The following RAB5A variants were observed in gnomAD, a reference collection of about 807,000 sequenced individuals.
RAB5A encodes the protein ras-related protein Rab-5A.
RAB5A carries 8 observed loss-of-function variants against 25.7 expected under a neutral mutation model. The ratio of observed to expected loss-of-function variants is 0.31; its 90% CI spans 0.18 to 0.56. The LOEUF (loss-of-function observed/expected upper bound fraction) is 0.56, where lower values mean the gene tolerates loss of function less well. Among genes scored for constraint, RAB5A ranks in the 20% least tolerant of loss-of-function variants. RAB5A has a pLI of 0.91. For synonymous variants in RAB5A, 98 were observed against 89.8 expected (o/e 1.09, Z -0.52); for missense variants, 192 against 259.7 (o/e 0.74, Z 1.79).
chr3:19,978,550 T>G, intron 5 of RAB5A, 147 bp downstream of exon 5: 3 of 571,872 alleles, frequency 5.2e-6, no homozygotes, highest in Non-Finnish European at 9.5e-6. Context: ...AGAGAGATTA[T>G]ACCACTTTTC....
At chr3:19,956,897 C>A (rs965044723) in intron 2 of RAB5A, among the ~76,000 whole-genome samples, 5 of 149,558 alleles carry the variant, frequency 3.3e-5, no homozygotes, top group Admixed American at 2.0e-4. Context: ...TAGTGCATAG[C>A]GTTTGATTTA....
intron 2 of RAB5A, among the ~76,000 whole-genome samples, chr3:19,951,703 T>TTG (rs1553638061): frequency 2.6e-5 from 2 of 76,040 alleles, no homozygotes; most frequent in East Asian, 4.0e-4. Context: ...CCAGGCAAGT[T>TTG]TTTTTTTTTT....
At chr3:19,982,538 A>C (rs1470755403) in intron 5 of RAB5A, among the ~76,000 whole-genome samples, 1 of 152,128 alleles carries the variant, frequency 6.6e-6, no homozygotes, top group Admixed American at 6.5e-5. Context: ...TTACTCTGCA[A>C]GGTGTAAGTT....
In RAB5A at chr3:19,975,750, G is replaced by T; in HGVS notation, c.313G>T (p.Glu105Ter). 6.2e-7 allele frequency: 1 copy of T among 1,610,456 alleles called. No individual in the cohort carries two copies. Among genetic ancestry groups the T allele is most frequent in the South Asian group, 1.1e-5 (1 of 90,122 alleles). ...CATAGTTGTATATGATATCACAAAT[G>T]AGGTAAGTATGGATGCATTCCACAG... ...AAIVVYDITN[E>*]ESFARAKNWV... is the part of the protein sequence containing the mutation. The change falls in exon 3 of 6, where the codon GAG becomes TAG. Residue 105 changes from glutamate (E) to a stop codon, truncating the protein, a stop_gained and splice_region_variant. Coordinates refer to ENST00000273047, the MANE Select transcript of RAB5A (RefSeq NM_004162.5). LOFTEE classifies it high-confidence loss of function.
intron 4 of RAB5A, among the ~76,000 whole-genome samples, chr3:19,977,481 T>C (rs1447408696): frequency 6.6e-6 from 1 of 152,248 alleles, no homozygotes; most frequent in Non-Finnish European, 1.5e-5. Flanking sequence ...GTTTTCTTTT[T>C]TGATGACGTA....
chr3:19,950,821 G>T lies in RAB5A; in HGVS notation c.-78G>T. The T allele has an allele frequency of 7.0e-7, 1 of 1,425,142 alleles. No homozygotes were observed. The highest frequency in any genetic ancestry group is 9.5e-7 in the Non-Finnish European group (1 of 1,057,468). The allele number at this position is 1,425,142 out of a possible 1,614,324, so 88.3% of individuals were successfully genotyped here. On this transcript the variant is annotated 5_prime_UTR_variant, in exon 2 of 6. Transcript: ENST00000273047. Reference sequence around the variant, plus strand: ...TTCTTTACAGGTTTCTTTACCTCCAGAAAGAAGAATATTGGCCCCTTGAAT... The same window carrying T: ...TTCTTTACAGGTTTCTTTACCTCCATAAAGAAGAATATTGGCCCCTTGAAT...
At chr3:19,966,061 G>A (rs1177810998) in intron 2 of RAB5A, among the ~76,000 whole-genome samples, 2 of 152,090 alleles carry the variant, frequency 1.3e-5, no homozygotes, top group Non-Finnish European at 2.9e-5. Context: ...TAAAATATCC[G>A]TAACACAAAA....
chr3:19,963,305 G>GT (rs1696614248), intron 2 of RAB5A, among the ~76,000 whole-genome samples: 1 of 133,822 alleles, frequency 7.5e-6, no homozygotes, highest in South Asian at 2.5e-4. Flanking sequence ...GGCATTTAAT[G>GT]TTTGCTTTTT....
chr3:19,981,076 C>A (rs565929730), intron 5 of RAB5A, among the ~76,000 whole-genome samples: 1 of 152,150 alleles, frequency 6.6e-6, no homozygotes, highest in East Asian at 1.9e-4. Context: ...TGATAGAGAT[C>A]AGTGTGTGCA....
intron 5 of RAB5A, among the ~76,000 whole-genome samples, chr3:19,981,684 A>G (rs987991295): frequency 1.3e-5 from 2 of 152,230 alleles, no homozygotes. Flanking sequence ...CCCCATTGTA[A>G]GTCAAGGAGC....
chr3:19,973,835 C>T (rs1034929939), intron 2 of RAB5A, among the ~76,000 whole-genome samples: 2 of 152,080 alleles, frequency 1.3e-5, no homozygotes, highest in African/African-American at 4.8e-5. Flanking sequence ...TTGTGTCTAA[C>T]GTAAAAGAGA....
At chr3:19,967,404 C>T (rs142887267) in intron 2 of RAB5A, among the ~76,000 whole-genome samples, 90 of 152,278 alleles carry the variant, frequency 5.9e-4, no homozygotes, top group African/African-American at 2.1e-3. Flanking sequence ...TTCAGTCTCC[C>T]AAAGTGCTGG....
At chr3:19,953,720 A>G (rs1191534001) in intron 2 of RAB5A, among the ~76,000 whole-genome samples, 3 of 152,034 alleles carry the variant, frequency 2.0e-5, no homozygotes, top group Non-Finnish European at 4.4e-5. Context: ...ACTTTCTGTT[A>G]ATCTTTATTG....
chr3:19,953,280 A>G (rs1045445998), intron 2 of RAB5A, among the ~76,000 whole-genome samples: 6 of 152,174 alleles, frequency 3.9e-5, no homozygotes, highest in Non-Finnish European at 5.9e-5. Context: ...GTATCTCTAT[A>G]TAATCTCCAT....
intron 4 of RAB5A, 77 bp downstream of exon 4, chr3:19,976,246 T>A: frequency 6.8e-7 from 1 of 1,473,148 alleles, no homozygotes; most frequent in South Asian, 1.3e-5. Flanking sequence ...CTTGAATTAG[T>A]TATAATGTCA....
chr3:19,983,974 G>C lies in RAB5A; in HGVS notation c.*151G>C. On this transcript the variant is annotated 3_prime_UTR_variant, in exon 6 of 6. Transcript: ENST00000273047. Reference sequence around the variant, plus strand: ...AATACAGAATTATTTTAAGTGTTTTGAACTTAATTTTTAATAACATGCATG... The same window carrying C: ...AATACAGAATTATTTTAAGTGTTTTCAACTTAATTTTTAATAACATGCATG... 1 of 610,136 alleles carries C rather than the reference G, an allele frequency of 1.6e-6. No homozygotes were observed. Among genetic ancestry groups the C allele is most frequent in the South Asian group, 2.1e-5 (1 of 47,584 alleles). The allele number at this position is 610,136 out of a possible 1,614,324, so 37.8% of individuals were successfully genotyped here.
At chr3:19,951,307 A>G (rs992032819) in intron 2 of RAB5A, 8 of 372,170 alleles carry the variant, frequency 2.1e-5, no homozygotes, top group Non-Finnish European at 3.9e-5. Context: ...AAACATGAGT[A>G]GAATCAGTGT....
intron 2 of RAB5A, chr3:19,970,489 G>C (rs1696734144): frequency 4.4e-6 from 2 of 455,846 alleles, no homozygotes; most frequent in Admixed American, 4.7e-5. Flanking sequence ...CTATCAGACA[G>C]GCCAGCACCC....
At position 19,960,110 on chromosome 3, in the gene RAB5A, CTG is replaced by C. The variant is rs530056838; in HGVS notation, c.163+9051_163+9052del. On this transcript the variant is annotated intron_variant, in intron 2 of 5. Coordinates refer to ENST00000273047, the MANE Select transcript of RAB5A (RefSeq NM_004162.5). Reference sequence around the variant, plus strand: ...TAGAAACATGGGAAATTTTGGCAAACTGTTTCTCCCTTTTTTAGGTCATATAC... The same window carrying C: ...TAGAAACATGGGAAATTTTGGCAAACTTTCTCCCTTTTTTAGGTCATATAC... Among the ~76,000 whole-genome samples the C allele has an allele frequency of 2.6e-4, 40 of 152,282 alleles. 1 individual carries two copies. The South Asian group carries it at 7.5e-3, about 28-fold the overall frequency.
Sources: gnomAD v4.1 joint callset for allele counts (sites outside exome capture counted in the v4.1 genomes callset) on GRCh38, gnomAD v4.1.1 for gene constraint, MANE v1.5 for transcripts, NCBI Gene and HGNC (gene_info 2026-07-23, HGNC 2026-07-21) for gene names.